The following KIF1B variants were observed in gnomAD, a reference collection of about 807,000 sequenced individuals.
The protein encoded by KIF1B is kinesin family member 1B, also known as kinesin-like protein KIF1B.
In KIF1B, 76 loss-of-function variants were observed where a neutral mutation model predicts 241.9. The observed-to-expected ratio is 0.31, with a 90% CI of 0.26 to 0.38. The LOEUF is 0.38. KIF1B is among the 10% of genes least tolerant of loss of function. KIF1B has a pLI of 1.00. For missense variants in KIF1B, 1,622 were observed against 2,271.4 expected, an observed-to-expected ratio of 0.71 and a Z score of 5.81; for synonymous variants, 750 against 796.7, an observed-to-expected ratio of 0.94 and a Z score of 0.99.
chr1:10,356,927 T>G (rs1406258408), intron 38 of KIF1B, among the ~76,000 whole-genome samples: 1 of 125,214 alleles, frequency 8.0e-6, no homozygotes, highest in Non-Finnish European at 1.7e-5. Flanking sequence ...AATAAATAAA[T>G]AAAGTGCGGT....
At chr1:10,283,768 C>T (rs1649551742) in intron 15 of KIF1B, among the ~76,000 whole-genome samples, 1 of 152,202 alleles carries the variant, frequency 6.6e-6, no homozygotes, top group Non-Finnish European at 1.5e-5. Context: ...ACAAAAAACA[C>T]TTTTTAAGAG....
chr1:10,282,232 T>TA, intron 14 of KIF1B, 90 bp from the exon 15 acceptor site: 5 of 1,050,794 alleles, frequency 4.8e-6, no homozygotes, highest in Admixed American at 2.0e-5. Context: ...TGTCCTTTCT[T>TA]ACAACGATAT....
At chr1:10,239,612 A>T (rs995474713) in intron 2 of KIF1B, among the ~76,000 whole-genome samples, 1 of 151,630 alleles carries the variant, frequency 6.6e-6, no homozygotes, top group Non-Finnish European at 1.5e-5. Flanking sequence ...TTATTTTATT[A>T]TTATTATTTT....
At chr1:10,280,345 C>G (rs796772061) in intron 14 of KIF1B, among the ~76,000 whole-genome samples, 1 of 152,040 alleles carries the variant, frequency 6.6e-6, no homozygotes, top group Non-Finnish European at 1.5e-5. Context: ...AGCGATTTCT[C>G]CTGCCTCAGC....
chr1:10,373,554 AAAAG>A (rs1638804122), intron 45 of KIF1B, among the ~76,000 whole-genome samples: 2 of 152,060 alleles, frequency 1.3e-5, no homozygotes, highest in African/African-American at 4.8e-5. Context: ...TCAAAAAAAA[AAAAG>A]AATGAAGTAT....
intron 15 of KIF1B, 51 bp from the exon 16 acceptor site, chr1:10,291,031 T>C: frequency 1.4e-6 from 2 of 1,387,624 alleles, no homozygotes; most frequent in South Asian, 2.3e-5. Context: ...TAGCATGGTA[T>C]GTTAAATTAT....
intron 10 of KIF1B, chr1:10,275,049 G>A (rs991175802): frequency 2.1e-5 from 7 of 332,826 alleles, no homozygotes; most frequent in Admixed American, 1.4e-4. Context: ...AGGGGTAAAT[G>A]GAGATGAGGT....
At chr1:10,218,937 ATAAG>A (rs1322624971) in intron 1 of KIF1B, among the ~76,000 whole-genome samples, 1 of 152,216 alleles carries the variant, frequency 6.6e-6, no homozygotes, top group Non-Finnish European at 1.5e-5. Flanking sequence ...TAAAATATAA[ATAAG>A]TAAAAATTTA....
rs984283582 is a variant in KIF1B at position 10,265,565 on chromosome 1, C to T, written c.430-1815C>T. Among the ~76,000 whole-genome samples, 24 of 152,232 alleles carry T rather than the reference C, an allele frequency of 1.6e-4. No individual in the cohort carries two copies. In the Middle Eastern group the frequency reaches 0.017, roughly 108 times the overall value. On this transcript the variant is annotated intron_variant, in intron 5 of 48. Transcript: ENST00000676179. ...ACTGATTTTAAAACACAAATTAAGG[C>T]CAGGTGCGGTGGCTCACACCTGTAA...
At chr1:10,290,039 T>C (rs1339402425) in intron 15 of KIF1B, among the ~76,000 whole-genome samples, 3 of 152,326 alleles carry the variant, frequency 2.0e-5, no homozygotes, top group East Asian at 1.9e-4. Context: ...TATATAAGTA[T>C]TGAATGAATA....
intron 1 of KIF1B, among the ~76,000 whole-genome samples, chr1:10,217,337 C>G (rs1571082097): frequency 7.4e-6 from 1 of 135,862 alleles, no homozygotes; most frequent in African/African-American, 2.6e-5. Flanking sequence ...CTTACTCTTT[C>G]TTTTTCTTTT....
At chr1:10,364,200 C>CTTTTTTTTCTTTTTTTTTT (rs1449980463) in intron 41 of KIF1B, among the ~76,000 whole-genome samples, 1 of 113,864 alleles carries the variant, frequency 8.8e-6, no homozygotes, top group African/African-American at 3.4e-5. Context: ...GGGACAGGAT[C>CTTTTTTTTCTTTTTTTTTT]TTTTTTTTTT....
chr1:10,315,171 CTTTTTTTTTT>C (rs765236286), intron 22 of KIF1B, among the ~76,000 whole-genome samples: 2 of 80,064 alleles, frequency 2.5e-5, no homozygotes, highest in African/African-American at 5.2e-5. Flanking sequence ...CAAGAATATT[CTTTTTTTTTT>C]TTTTTTTTTT....
chr1:10,338,767 G>T (rs557007167), intron 31 of KIF1B, among the ~76,000 whole-genome samples: 2 of 152,352 alleles, frequency 1.3e-5, no homozygotes, highest in South Asian at 4.1e-4. Flanking sequence ...GTGCCGGGAA[G>T]GTATGGCTGC....
rs556515444 is a variant in KIF1B at position 10,308,049 on chromosome 1, T to C, written c.2115+10803T>C. 85 of 1,059,840 alleles carry C rather than the reference T, an allele frequency of 8.0e-5. No individual in the cohort carries two copies. In the South Asian group the frequency reaches 3.4e-3, roughly 42 times the overall value. The allele number at this position is 1,059,840 out of a possible 1,614,324, so 65.7% of individuals were successfully genotyped here. A position where few individuals can be genotyped will look rare whatever the true frequency, so the allele number is the denominator to read the frequency against. The stretch of plus-strand genomic sequence containing the variant: ...TGAAAAAAAAACAAAACACTGAATT[T>C]TTCACACCTATGTCTGCATTAAAGG... On this transcript the variant is annotated intron_variant, in intron 22 of 48. Coordinates refer to ENST00000676179, the MANE Select transcript of KIF1B (RefSeq NM_001365951.3).
chr1:10,292,612 C>T (rs1043494887), intron 17 of KIF1B, among the ~76,000 whole-genome samples: 1 of 152,188 alleles, frequency 6.6e-6, no homozygotes, highest in Non-Finnish European at 1.5e-5. Context: ...CAATTCCTGT[C>T]CCTATCCTTC....
chr1:10,344,021 C>T (rs146521214), intron 34 of KIF1B, among the ~76,000 whole-genome samples: 76 of 152,224 alleles, frequency 5.0e-4, no homozygotes, highest in Middle Eastern at 3.4e-3. Flanking sequence ...ATTGCCTATT[C>T]GCCAAATTCC....
chr1:10,251,120 C>T (rs1647417552), intron 2 of KIF1B, among the ~76,000 whole-genome samples: 2 of 150,808 alleles, frequency 1.3e-5, no homozygotes, highest in Non-Finnish European at 3.0e-5. Flanking sequence ...GAGCCGAGAT[C>T]GTGCCACTGC....
chr1:10,323,391 T>C (rs1324716549), intron 24 of KIF1B, among the ~76,000 whole-genome samples: 1 of 152,044 alleles, frequency 6.6e-6, no homozygotes, highest in Admixed American at 6.6e-5. Flanking sequence ...GCCGCCGAGG[T>C]GGGTGGATCA....
Sources: gnomAD v4.1 joint callset for allele counts (sites outside exome capture counted in the v4.1 genomes callset) on GRCh38, gnomAD v4.1.1 for gene constraint, MANE v1.5 for transcripts, NCBI Gene and HGNC (gene_info 2026-07-23, HGNC 2026-07-21) for gene names.